RPS6KC1: variants seen among roughly 807,000 people sequenced by gnomAD.
The protein encoded by RPS6KC1 is ribosomal protein S6 kinase C1, also known as inactive ribosomal protein S6 kinase delta-1.
Under a neutral mutation model 103.8 loss-of-function variants are expected in RPS6KC1, and 54 were observed. The ratio of observed to expected loss-of-function variants is 0.52; its 90% confidence interval spans 0.42 to 0.65. RPS6KC1 has a LOEUF of 0.65. Ranked by LOEUF, RPS6KC1 falls within the 30% of genes least tolerant of loss-of-function variation. RPS6KC1 has a pLI of 0.00. For synonymous variants in RPS6KC1, 439 were observed against 438.7 expected, an observed-to-expected ratio of 1.00 and a Z score of -0.01; for missense variants, 1,151 against 1,253.8, an observed-to-expected ratio of 0.92 and a Z score of 1.24.
At chr1:213,831,773 G>A in the RPS6KC1 span, among the ~76,000 whole-genome samples, 1 of 152,020 alleles carries the variant, frequency 6.6e-6, no homozygotes, top group Admixed American at 6.5e-5. Context: ...GTAACTAAGG[G>A]AATTAAAGAA....
Position 213,273,788 on chromosome 1 carries a change from T to G in RPS6KC1, c.*1154T>G, listed in dbSNP as rs777461371. ...GTTGCTAAGGTAGCTCCTGTAGTTA[T>G]GCATTGTTGCAAAAATTTACAAATG... On this transcript the variant is annotated 3_prime_UTR_variant, in exon 15 of 15. Coordinates refer to ENST00000366960, the MANE Select transcript of RPS6KC1 (RefSeq NM_012424.6). 2.6e-5 allele frequency: 4 copies of G among 152,268 alleles called. No homozygotes were observed. The highest frequency in any genetic ancestry group is 4.8e-5 in the African/African-American group (2 of 41,472). 9.4% of individuals were successfully genotyped at this position (152,268 alleles called of 1,614,324 possible). A position where few individuals can be genotyped will look rare whatever the true frequency, so the allele number is the denominator to read the frequency against.
intron 8 of RPS6KC1, among the ~76,000 whole-genome samples, chr1:213,224,035 C>T (rs1245278431): frequency 6.6e-6 from 1 of 152,102 alleles, no homozygotes; most frequent in Non-Finnish European, 1.5e-5. Context: ...CACTGAATCC[C>T]CACTGAAGGG....
chr1:213,809,818 A>G, the RPS6KC1 span, among the ~76,000 whole-genome samples: 1 of 152,180 alleles, frequency 6.6e-6, no homozygotes, highest in Non-Finnish European at 1.5e-5. Context: ...ATGAATCTGA[A>G]TCCACTGTCA....
the RPS6KC1 span, among the ~76,000 whole-genome samples, chr1:213,631,034 T>C: frequency 6.6e-6 from 1 of 152,192 alleles, no homozygotes. Flanking sequence ...AATCTCCTGG[T>C]GTGCCGTTTG....
chr1:213,246,761 CA>C (rs1443705886), intron 12 of RPS6KC1, among the ~76,000 whole-genome samples: 7 of 144,824 alleles, frequency 4.8e-5, no homozygotes, highest in East Asian at 2.0e-4. Context: ...ATATAAAATA[CA>C]AAAAAAAAAC....
At chr1:213,130,268 T>C (rs2085456793) in intron 6 of RPS6KC1, among the ~76,000 whole-genome samples, 1 of 152,154 alleles carries the variant, frequency 6.6e-6, no homozygotes, top group African/African-American at 2.4e-5. Flanking sequence ...CAAAATGAAA[T>C]GGATTTTTAA....
the RPS6KC1 span, among the ~76,000 whole-genome samples, chr1:213,485,559 T>C: frequency 6.6e-6 from 1 of 152,182 alleles, no homozygotes; most frequent in Non-Finnish European, 1.5e-5. Flanking sequence ...ATCAGCATTA[T>C]CTAGTGTATT....
chr1:213,435,526 T>C, the RPS6KC1 span, among the ~76,000 whole-genome samples: 12 of 152,352 alleles, frequency 7.9e-5, no homozygotes, highest in Admixed American at 4.6e-4. Flanking sequence ...GTTTCATACT[T>C]TTCAATCTTG....
At chr1:213,051,598 G>T in intron 1 of RPS6KC1, 89 bp downstream of exon 1, 1 of 945,764 alleles carries the variant, frequency 1.1e-6, no homozygotes, top group South Asian at 1.5e-5. Context: ...CCTGACTCTG[G>T]CTCAGAGCCG....
intron 12 of RPS6KC1, among the ~76,000 whole-genome samples, chr1:213,253,059 T>C (rs765169193): frequency 1.3e-5 from 2 of 152,146 alleles, no homozygotes; most frequent in Non-Finnish European, 2.9e-5. Flanking sequence ...AGAAAAATAG[T>C]TTAGGAGTTC....
At chr1:213,295,204 A>G in the RPS6KC1 span, among the ~76,000 whole-genome samples, 1 of 152,138 alleles carries the variant, frequency 6.6e-6, no homozygotes, top group Non-Finnish European at 1.5e-5. Context: ...ATCCAATGGG[A>G]TGATTTCTTG....
At chr1:213,073,868 G>A (rs1207732124) in intron 2 of RPS6KC1, among the ~76,000 whole-genome samples, 1 of 151,972 alleles carries the variant, frequency 6.6e-6, no homozygotes, top group Non-Finnish European at 1.5e-5. Context: ...TAGAGACGGG[G>A]TTTTACCATG....
At chr1:213,702,714 T>G in the RPS6KC1 span, among the ~76,000 whole-genome samples, 6 of 152,038 alleles carry the variant, frequency 3.9e-5, no homozygotes, top group Non-Finnish European at 7.4e-5. Flanking sequence ...TTTATTTTTC[T>G]AATATAAGTA....
intron 14 of RPS6KC1, 132 bp from the exon 15 acceptor site, chr1:213,272,392 A>C (rs2095066142): frequency 1.5e-6 from 1 of 663,100 alleles, no homozygotes; most frequent in Admixed American, 2.4e-5. Context: ...TTCAAGAAAA[A>C]TGGTCACTTG....
chr1:213,153,215 C>G (rs1022506382), intron 6 of RPS6KC1, among the ~76,000 whole-genome samples: 1 of 149,108 alleles, frequency 6.7e-6, no homozygotes, highest in African/African-American at 2.5e-5. Context: ...AGAGGGAGAC[C>G]GTGGAAAGAG....
At chr1:213,823,249 C>T in the RPS6KC1 span, among the ~76,000 whole-genome samples, 2 of 152,184 alleles carry the variant, frequency 1.3e-5, no homozygotes, top group African/African-American at 4.8e-5. Context: ...ATATGCTGAT[C>T]ACATGATAGT....
intron 7 of RPS6KC1, among the ~76,000 whole-genome samples, chr1:213,173,958 A>T (rs2091671672): frequency 6.6e-6 from 1 of 152,256 alleles, no homozygotes; most frequent in African/African-American, 2.4e-5. Flanking sequence ...TCTGTGAATA[A>T]GGAGGTATAA....
chr1:213,551,790 G>A, the RPS6KC1 span, among the ~76,000 whole-genome samples: 1 of 152,128 alleles, frequency 6.6e-6, no homozygotes, highest in African/African-American at 2.4e-5. Flanking sequence ...TGTATGACAG[G>A]TATTCACCAT....
At chr1:213,064,551 A>G (rs1039965599) in intron 1 of RPS6KC1, among the ~76,000 whole-genome samples, 3 of 150,754 alleles carry the variant, frequency 2.0e-5, no homozygotes, top group African/African-American at 7.3e-5. Flanking sequence ...TATTTTTAGT[A>G]GAGATGGGGT....
Sources: allele counts gnomAD v4.1 joint callset (sites outside exome capture counted in the v4.1 genomes callset), GRCh38; gene constraint gnomAD v4.1.1; transcripts MANE v1.5; gene names NCBI Gene and HGNC (gene_info 2026-07-23, HGNC 2026-07-21).